ADAR: variants seen among roughly 807,000 people sequenced by gnomAD.
The protein encoded by ADAR is adenosine deaminase RNA specific.
A neutral mutation model predicts 113.2 loss-of-function variants in ADAR; 41 were observed. The observed-to-expected ratio is 0.36, with a 90% CI of 0.28 to 0.47. The LOEUF is 0.47. Ranked by LOEUF, ADAR falls within the 20% of genes least tolerant of loss-of-function variation. The probability of loss-of-function intolerance (pLI) is 1.00; values close to 1 mark genes in which losing one functional copy is unlikely to be tolerated. For synonymous variants in ADAR, 605 were observed against 572.6 expected (o/e 1.06, Z -0.81); for missense variants, 1,242 against 1,540.9 (o/e 0.81, Z 3.25).
intron 6 of ADAR, among the ~76,000 whole-genome samples, chr1:154,594,314 C>T (rs573315463): frequency 1.1e-4 from 16 of 152,234 alleles, no homozygotes; most frequent in African/African-American, 3.9e-4. Context: ...TAAGAGTGTA[C>T]AATAAAAGTG....
At chr1:154,618,944 T>C (rs1402193902) in intron 1 of ADAR, among the ~76,000 whole-genome samples, 2 of 152,120 alleles carry the variant, frequency 1.3e-5, no homozygotes, top group Admixed American at 6.5e-5. Flanking sequence ...ACCCCGTCTC[T>C]ACTAAAAATA....
At chr1:154,610,831 A>AAAAAAAAAAAAAAAAAAAAC (rs1698463790), upstream of ADAR, among the ~76,000 whole-genome samples, 3 of 130,910 alleles carry the variant, frequency 2.3e-5, no homozygotes, top group Admixed American at 7.7e-5. Context: ...AAAGAAAAAA[A>AAAAAAAAAAAAAAAAAAAAC]AAAAAAAAAA....
chr1:154,588,772 C>G, intron 9 of ADAR, 99 bp from the exon 10 acceptor site: 2 of 1,523,036 alleles, frequency 1.3e-6, no homozygotes, highest in South Asian at 2.3e-5. Flanking sequence ...GGAAAAGTCT[C>G]AATGTTGCAG....
chr1:154,626,679 C>T (rs1253991006), intron 1 of ADAR, among the ~76,000 whole-genome samples: 1 of 152,150 alleles, frequency 6.6e-6, no homozygotes, highest in Non-Finnish European at 1.5e-5. Context: ...ATTCTGACAC[C>T]TCGGGCAAGG....
At chr1:154,592,093 C>G (rs1048607131) in intron 6 of ADAR, among the ~76,000 whole-genome samples, 1 of 152,186 alleles carries the variant, frequency 6.6e-6, no homozygotes, top group South Asian at 2.1e-4. Context: ...TAGAGCTGTG[C>G]TATCCAATAT....
chr1:154,607,158 C>G (rs12128435), intron 1 of ADAR, among the ~76,000 whole-genome samples: 44,775 of 151,784 alleles, frequency 0.29, 6,621 homozygotes, highest in East Asian at 0.31. Context: ...ACTTTCCATC[C>G]CTATAACTGT....
intron 6 of ADAR, among the ~76,000 whole-genome samples, chr1:154,594,408 A>AC (rs1463560875): frequency 6.6e-6 from 1 of 152,000 alleles, no homozygotes; most frequent in Non-Finnish European, 1.5e-5. Context: ...GACAATCTTC[A>AC]CCTCTCCCCT....
In ADAR at chr1:154,616,399, A is replaced by G. The variant is rs1698637929; in HGVS notation, c.-871+11456T>C. Among the ~76,000 whole-genome samples the G allele has an allele frequency of 2.0e-5, 3 of 151,838 alleles. No homozygotes were observed. In the South Asian group the frequency reaches 6.3e-4, roughly 32 times the overall value. Reference sequence around the variant, plus strand: ...ATCTCTCTGTCCCCCAGCCTCCCTGAGCCTTCTTTTCCTCCCTCTAGATTG... The same window carrying G: ...ATCTCTCTGTCCCCCAGCCTCCCTGGGCCTTCTTTTCCTCCCTCTAGATTG... On this transcript the variant is annotated intron_variant, in intron 1 of 14. Transcript: ENST00000368471.
upstream of ADAR, among the ~76,000 whole-genome samples, chr1:154,609,183 G>A (rs1266830563): frequency 1.3e-5 from 2 of 152,132 alleles, no homozygotes; most frequent in Admixed American, 1.3e-4. Flanking sequence ...AGTCTTCAGC[G>A]CTTCTCTACA....
chr1:154,599,109 AGTTT>A (rs976097555), intron 2 of ADAR, among the ~76,000 whole-genome samples: 3 of 152,182 alleles, frequency 2.0e-5, no homozygotes, highest in African/African-American at 7.2e-5. Flanking sequence ...ATATCACCGT[AGTTT>A]GTTATGAGTC....
intron 11 of ADAR, among the ~76,000 whole-genome samples, 190 bp from the exon 12 acceptor site, chr1:154,586,553 T>C (rs918407524): frequency 1.3e-5 from 2 of 152,208 alleles, no homozygotes; most frequent in African/African-American, 2.4e-5. Context: ...CCAAGTAAGA[T>C]CTTTGTGCTC....
Position 154,598,397 on chromosome 1 carries a change from C to T in ADAR, c.1785+5G>A, listed in dbSNP as rs17843866. ...GATCCTCCCAGATGGCAGGAGGACA[C>T]CTACCTTCTCTGATTCTTTCTCTGT... On this transcript the variant is annotated splice_donor_5th_base_variant and intron_variant, in intron 3 of 14. Transcript: ENST00000368474. 287 of 1,614,028 alleles carry T rather than the reference C, an allele frequency of 1.8e-4. 2 individuals carry two copies. The East Asian group carries it at 6.3e-3, about 35-fold the overall frequency.
rs907698628 is a variant in ADAR, at chr1:154,589,626, C to T, written c.2668+131G>A. The T allele has an allele frequency of 2.3e-6, 3 of 1,279,438 alleles. No homozygotes were observed. In the African/African-American group the frequency reaches 4.4e-5, roughly 19 times the overall value. 79.3% of individuals were successfully genotyped at this position (1,279,438 alleles called of 1,614,324 possible). A position where few individuals can be genotyped will look rare whatever the true frequency, so the allele number is the denominator to read the frequency against. ...AGGAACTAAGAACTCATTCCTCACT[C>T]TGAATTGACTGTAGCTAAAATGAAG... On this transcript the variant is annotated intron_variant, in intron 8 of 14. Coordinates refer to ENST00000368474, the MANE Select transcript of ADAR (RefSeq NM_001111.5).
rs548274922 is a variant in ADAR at position 154,614,782 on chromosome 1, G to A, written c.-870-12156C>T. 8.5e-5 allele frequency among the ~76,000 whole-genome samples: 13 copies of A among 152,334 alleles called. No individual in the cohort carries two copies. In the South Asian group the frequency reaches 2.7e-3, roughly 32 times the overall value. On this transcript the variant is annotated intron_variant, in intron 1 of 14. Transcript: ENST00000368471. ...GCTGTCTCCCTGCTGCTGTAGAGCA[G>A]AAGATTGAGGAGGAAACTGAGGAGG...
intron 1 of ADAR, among the ~76,000 whole-genome samples, chr1:154,604,063 C>A (rs902087225): frequency 6.6e-6 from 1 of 152,220 alleles, no homozygotes; most frequent in African/African-American, 2.4e-5. Flanking sequence ...ACCAAGACCT[C>A]AAATCCTGCA....
intron 1 of ADAR, among the ~76,000 whole-genome samples, chr1:154,603,804 C>T (rs542051543): frequency 7.2e-5 from 11 of 152,218 alleles, no homozygotes; most frequent in African/African-American, 2.4e-4. Context: ...TCACACTCAC[C>T]GCCCCCTCCT....
intron 10 of ADAR, 65 bp downstream of exon 10, chr1:154,588,486 A>C: frequency 6.2e-7 from 1 of 1,604,882 alleles, no homozygotes; most frequent in Non-Finnish European, 8.5e-7. Flanking sequence ...CCAGGAGAGC[A>C]TTTGGATACC....
At chr1:154,593,749 T>C (rs78062588) in intron 6 of ADAR, among the ~76,000 whole-genome samples, 7,645 of 152,286 alleles carry the variant, frequency 0.05, 234 homozygotes, top group Middle Eastern at 0.085. Flanking sequence ...TTAAAAATTA[T>C]GTTAAAAGTT....
At chr1:154,597,377 T>C in intron 4 of ADAR, 110 bp from the exon 5 acceptor site, 1 of 1,316,104 alleles carries the variant, frequency 7.6e-7, no homozygotes, top group South Asian at 1.2e-5. Context: ...CTTGAACACA[T>C]CACCTCTGTG....
Sources: allele counts gnomAD v4.1 joint callset (sites outside exome capture counted in the v4.1 genomes callset), GRCh38; gene constraint gnomAD v4.1.1; transcripts MANE v1.5; gene names NCBI Gene and HGNC (gene_info 2026-07-23, HGNC 2026-07-21).